Variants in NLGN1 observed in about 807,000 individuals in gnomAD.
NLGN1 encodes the protein neuroligin-1.
In NLGN1, 12 loss-of-function variants were observed where a neutral mutation model predicts 65.5. That is an observed-to-expected ratio of 0.18 (90% CI 0.12 to 0.30). NLGN1 has a LOEUF of 0.30. Among genes scored for constraint, NLGN1 ranks in the 10% least tolerant of loss-of-function variants. The pLI is 1.00. For missense variants in NLGN1, 750 were observed against 1,007.1 expected (o/e 0.74, Z 3.46); for synonymous variants, 350 against 359.5 (o/e 0.97, Z 0.30).
At chr3:173,633,914 T>A (rs1756154779) in intron 3 of NLGN1, among the ~76,000 whole-genome samples, 1 of 152,162 alleles carries the variant, frequency 6.6e-6, no homozygotes, top group African/African-American at 2.4e-5. Context: ...TATAATCCAC[T>A]TATATTAGCT....
At chr3:174,219,244 A>G (rs1032701102) in intron 4 of NLGN1, among the ~76,000 whole-genome samples, 2 of 152,106 alleles carry the variant, frequency 1.3e-5, no homozygotes, top group Non-Finnish European at 2.9e-5. Flanking sequence ...CTGAAGCAGT[A>G]AAGTGGGGAT....
At chr3:173,509,419 C>T (rs1732563502) in intron 2 of NLGN1, among the ~76,000 whole-genome samples, 1 of 151,920 alleles carries the variant, frequency 6.6e-6, no homozygotes, top group African/African-American at 2.4e-5. Context: ...TCGTGACCTG[C>T]CTGGGTAACA....
At chr3:173,583,400 C>T (rs1257790678) in intron 2 of NLGN1, among the ~76,000 whole-genome samples, 3 of 152,064 alleles carry the variant, frequency 2.0e-5, no homozygotes, top group Admixed American at 6.6e-5. Context: ...ATAAATTAGC[C>T]GTGGGCCAAA....
chr3:174,230,274 A>G (rs1164280253), intron 4 of NLGN1, among the ~76,000 whole-genome samples: 1 of 152,238 alleles, frequency 6.6e-6, no homozygotes, highest in Non-Finnish European at 1.5e-5. Flanking sequence ...AATTTTAATC[A>G]TGAACTCTTA....
chr3:174,202,171 T>A (rs1411779353), intron 4 of NLGN1, among the ~76,000 whole-genome samples: 1 of 152,166 alleles, frequency 6.6e-6, no homozygotes, highest in African/African-American at 2.4e-5. Flanking sequence ...ACTATGGTAC[T>A]TGAGGAATTG....
At chr3:174,139,833 T>C (rs1721976137) in intron 4 of NLGN1, among the ~76,000 whole-genome samples, 1 of 152,192 alleles carries the variant, frequency 6.6e-6, no homozygotes, top group Non-Finnish European at 1.5e-5. Flanking sequence ...TACCTTATTG[T>C]GGTTTTACTT....
At position 173,624,505 on chromosome 3, in the gene NLGN1, C is replaced by T. The variant is rs75012569; in HGVS notation, c.493+19414C>T. On this transcript the variant is annotated intron_variant, in intron 3 of 6. Coordinates refer to ENST00000457714, the Ensembl canonical transcript of NLGN1. ...ACTTTTGCAGATATGCCTGCTCCCA[C>T]CTCCTACAATGAATTAAGGATACAT... 9.7e-4 allele frequency among the ~76,000 whole-genome samples: 147 copies of T among 152,214 alleles called. 1 individual carries two copies. Among genetic ancestry groups the T allele is most frequent in the Non-Finnish European group, 1.9e-3 (126 of 67,988 alleles).
chr3:173,958,437 T>C (rs923144873), intron 4 of NLGN1, among the ~76,000 whole-genome samples: 2 of 151,988 alleles, frequency 1.3e-5, no homozygotes, highest in Admixed American at 1.3e-4. Flanking sequence ...AGTGGGTAGC[T>C]CCTCTCCGTG....
chr3:174,274,181 CATAAT>C (rs1750058651), intron 4 of NLGN1, among the ~76,000 whole-genome samples: 2 of 151,688 alleles, frequency 1.3e-5, no homozygotes, highest in African/African-American at 4.8e-5. Flanking sequence ...ATATTTTCTA[CATAAT>C]ATAAAATAGT....
chr3:173,699,375 G>A (rs755712107), intron 3 of NLGN1, among the ~76,000 whole-genome samples: 30 of 152,144 alleles, frequency 2.0e-4, no homozygotes, highest in Non-Finnish European at 3.8e-4. Flanking sequence ...GCCTATTCTT[G>A]ACGTTAAATA....
At chr3:174,168,533 AT>A (rs554945350) in intron 4 of NLGN1, among the ~76,000 whole-genome samples, 293 of 152,096 alleles carry the variant, frequency 1.9e-3, no homozygotes, top group African/African-American at 6.7e-3. Context: ...CAGGCTTTAT[AT>A]TGGCTATTGG....
chr3:173,995,243 G>A (rs888046538), intron 4 of NLGN1, among the ~76,000 whole-genome samples: 1 of 152,152 alleles, frequency 6.6e-6, no homozygotes. Flanking sequence ...TAGAGCCAGG[G>A]GCCTCAAGCC....
intron 3 of NLGN1, among the ~76,000 whole-genome samples, chr3:173,607,368 C>G (rs536311604): frequency 6.6e-6 from 1 of 151,844 alleles, no homozygotes; most frequent in East Asian, 1.9e-4. Context: ...ATACTATTAA[C>G]TATGCATTCT....
intron 1 of NLGN1, among the ~76,000 whole-genome samples, chr3:173,408,092 G>GTC (rs1711641982): frequency 6.6e-6 from 1 of 152,106 alleles, no homozygotes; most frequent in East Asian, 1.9e-4. Context: ...TTGAGACAGA[G>GTC]TCTCGCTCTG....
chr3:173,415,304 A>G (rs1190604315), intron 1 of NLGN1, among the ~76,000 whole-genome samples: 2 of 152,244 alleles, frequency 1.3e-5, no homozygotes, highest in Non-Finnish European at 2.9e-5. Context: ...TGCTATTTAA[A>G]TCTGAGATGG....
At chr3:173,832,710 T>C (rs1176946182) in intron 4 of NLGN1, among the ~76,000 whole-genome samples, 1 of 152,216 alleles carries the variant, frequency 6.6e-6, no homozygotes, top group Non-Finnish European at 1.5e-5. Flanking sequence ...TCGTTATACT[T>C]AACTAGTTTT....
rs13314888 is a variant in NLGN1 at position 174,269,314 on chromosome 3, C to T, written c.647-6001C>T. Among the ~76,000 whole-genome samples, 681 of 152,072 alleles carry T rather than the reference C, an allele frequency of 4.5e-3. 3 individuals carry two copies. Among genetic ancestry groups the T allele is most frequent in the African/African-American group, 0.016 (661 of 41,526 alleles). ...TTTCATACAACACTGAAACTCTATA[C>T]TCATTAAATACTAATTCCCCCTTCC... is the stretch of plus-strand genomic sequence containing the variant. On this transcript the variant is annotated intron_variant, in intron 4 of 6. Transcript: ENST00000457714.
chr3:173,541,313 T>C (rs1358035305), intron 2 of NLGN1, among the ~76,000 whole-genome samples: 2 of 152,122 alleles, frequency 1.3e-5, no homozygotes, highest in Non-Finnish European at 2.9e-5. Flanking sequence ...ACAAATTATA[T>C]TTGTGTCATT....
intron 4 of NLGN1, among the ~76,000 whole-genome samples, chr3:174,100,729 A>G (rs1008237724): frequency 6.6e-6 from 1 of 152,044 alleles, no homozygotes; most frequent in African/African-American, 2.4e-5. Flanking sequence ...CTTCATTTCA[A>G]TTAAGAAGTC....
Sources: gnomAD v4.1 joint callset for allele counts (sites outside exome capture counted in the v4.1 genomes callset) on GRCh38, gnomAD v4.1.1 for gene constraint, MANE v1.5 for transcripts, NCBI Gene and HGNC (gene_info 2026-07-23, HGNC 2026-07-21) for gene names.